BAIAP2L1: variants seen among roughly 807,000 people sequenced by gnomAD.
BAIAP2L1 encodes the protein BAR/IMD domain-containing adapter protein 2-like 1.
In BAIAP2L1, 35 loss-of-function variants were observed where a neutral mutation model predicts 66.3. The observed-to-expected ratio is 0.53, with a 90% CI of 0.40 to 0.70. The LOEUF (loss-of-function observed/expected upper bound fraction) is 0.70, where lower values mean the gene tolerates loss of function less well. BAIAP2L1 is among the 30% of genes least tolerant of loss of function. The pLI is 0.00. For synonymous variants in BAIAP2L1, 269 were observed against 248.7 expected (o/e 1.08, Z -0.77); for missense variants, 622 against 656.9 (o/e 0.95, Z 0.58).
At chr7:98,316,400 G>C (rs555229302) in intron 6 of BAIAP2L1, among the ~76,000 whole-genome samples, 6 of 152,254 alleles carry the variant, frequency 3.9e-5, no homozygotes, top group African/African-American at 1.4e-4. Flanking sequence ...CACTGATCAT[G>C]GAGAGTCCCT....
At position 98,291,880 on chromosome 7, in the gene BAIAP2L1, CCA is replaced by C. The variant is rs950674994; in HGVS notation, c.*1639_*1640del. On this transcript the variant is annotated 3_prime_UTR_variant, in exon 14 of 14. Coordinates refer to ENST00000005260, the MANE Select transcript of BAIAP2L1 (RefSeq NM_018842.5). ...CAGAACGCCAAAGGCCAGGTGTCAC[CCA>C]CACCCCAGCAGTTCCCCTTAGCGCC... 2.0e-5 allele frequency: 3 copies of C among 153,122 alleles called. No individual in the cohort carries two copies. Among genetic ancestry groups the C allele is most frequent in the African/African-American group, 7.2e-5 (3 of 41,466 alleles). The allele number at this position is 153,122 out of a possible 1,614,324, so 9.5% of individuals were successfully genotyped here. A position where few individuals can be genotyped will look rare whatever the true frequency, so the allele number is the denominator to read the frequency against.
chr7:98,400,682 G>A, intron 1 of BAIAP2L1, 120 bp downstream of exon 1: 1 of 1,171,610 alleles, frequency 8.5e-7, no homozygotes, highest in Non-Finnish European at 1.2e-6. Context: ...GACCGGGAGA[G>A]GTGGAAGGAC....
At chr7:98,336,800 G>A (rs1801627622) in intron 3 of BAIAP2L1, among the ~76,000 whole-genome samples, 1 of 152,202 alleles carries the variant, frequency 6.6e-6, no homozygotes, top group Non-Finnish European at 1.5e-5. Flanking sequence ...TTTTAGAAGG[G>A]GTGGAGAGAC....
At chr7:98,298,014 T>C (rs1476486122) in intron 12 of BAIAP2L1, among the ~76,000 whole-genome samples, 2 of 149,404 alleles carry the variant, frequency 1.3e-5, no homozygotes, top group African/African-American at 4.9e-5. Flanking sequence ...GAGGACTGCC[T>C]GAGGTCAGGA....
Position 98,362,588 on chromosome 7 carries a change from T to C in BAIAP2L1, c.52-156A>G, listed in dbSNP as rs375771638. Among the ~76,000 whole-genome samples, 133 of 152,340 alleles carry C rather than the reference T, an allele frequency of 8.7e-4. 3 individuals carry two copies. In the South Asian group the frequency reaches 0.025, roughly 29 times the overall value. On this transcript the variant is annotated intron_variant, in intron 1 of 13. Coordinates refer to ENST00000005260, the MANE Select transcript of BAIAP2L1 (RefSeq NM_018842.5). ...ATGTAAAAATAATGAAGCACACCTA[T>C]TCCCTTACCTGATGGAACAGGGCTC...
At chr7:98,319,432 TTA>T (rs1209815472) in intron 5 of BAIAP2L1, among the ~76,000 whole-genome samples, 1 of 152,168 alleles carries the variant, frequency 6.6e-6, no homozygotes, top group African/African-American at 2.4e-5. Flanking sequence ...TTAGGAAGTG[TTA>T]TGTCTGCATC....
chr7:98,346,199 C>T lies in BAIAP2L1; in HGVS notation c.214+8843G>A, dbSNP rs74523541. On this transcript the variant is annotated intron_variant, in intron 3 of 13. Coordinates refer to ENST00000005260, the MANE Select transcript of BAIAP2L1 (RefSeq NM_018842.5). ...GATTTCAGAAAAGAACTAAATAGGA[C>T]TTCCAGTAACGAAAGACAGGCACTA... Among the ~76,000 whole-genome samples the T allele has an allele frequency of 6.7e-4, 102 of 152,224 alleles. 1 individual carries two copies. The East Asian group carries it at 0.014, about 21-fold the overall frequency.
At chr7:98,374,972 G>C (rs1276819194) in intron 1 of BAIAP2L1, among the ~76,000 whole-genome samples, 4 of 151,984 alleles carry the variant, frequency 2.6e-5, no homozygotes, top group Non-Finnish European at 5.9e-5. Context: ...CTGTGGTCCT[G>C]GCTACTTGGG....
At chr7:98,370,031 GAAC>G (rs752541499) in intron 1 of BAIAP2L1, among the ~76,000 whole-genome samples, 15 of 151,466 alleles carry the variant, frequency 9.9e-5, no homozygotes, top group African/African-American at 3.4e-4. Flanking sequence ...AAAATACGAA[GAAC>G]AACAAATGAA....
intron 3 of BAIAP2L1, among the ~76,000 whole-genome samples, chr7:98,330,210 GAACT>G (rs1464231849): frequency 5.3e-5 from 8 of 152,162 alleles, no homozygotes; most frequent in African/African-American, 1.9e-4. Flanking sequence ...ATCAGACAGA[GAACT>G]AACCACCACC....
In BAIAP2L1 at chr7:98,386,721, GAC is replaced by G. The variant is rs1196203307; in HGVS notation, c.51+14079_51+14080del. 1.1e-5 allele frequency: 5 copies of G among 452,088 alleles called. No homozygotes were observed. In the Admixed American group the frequency reaches 1.8e-4, roughly 16 times the overall value. The allele number at this position is 452,088 out of a possible 1,614,324, so 28.0% of individuals were successfully genotyped here. On this transcript the variant is annotated intron_variant, in intron 1 of 13. Transcript: ENST00000005260. ...TTTTTTTTTTTTTTTTTTTTTTGGT[GAC>G]AGAGTCTCGCTCTGTCGCCAGGCTG...
intron 1 of BAIAP2L1, among the ~76,000 whole-genome samples, chr7:98,380,365 G>A (rs1018141090): frequency 2.0e-5 from 3 of 152,108 alleles, no homozygotes; most frequent in South Asian, 2.1e-4. Flanking sequence ...CTGGACTTAC[G>A]GTTCCACATG....
chr7:98,344,100 C>G (rs1288104374), intron 3 of BAIAP2L1, among the ~76,000 whole-genome samples: 4 of 152,244 alleles, frequency 2.6e-5, no homozygotes, highest in Admixed American at 2.6e-4. Context: ...TCACTTGAAC[C>G]CGGTAGGTGG....
intron 3 of BAIAP2L1, among the ~76,000 whole-genome samples, chr7:98,334,284 C>T (rs935049722): frequency 3.9e-5 from 6 of 152,168 alleles, no homozygotes; most frequent in African/African-American, 1.2e-4. Flanking sequence ...CATCAGTGCA[C>T]CCAAGAGTTA....
At chr7:98,382,201 G>C (rs375487933) in intron 1 of BAIAP2L1, among the ~76,000 whole-genome samples, 2 of 152,058 alleles carry the variant, frequency 1.3e-5, no homozygotes, top group Admixed American at 6.6e-5. Flanking sequence ...GGTTATAGGC[G>C]TGAGCAACCG....
intron 1 of BAIAP2L1, among the ~76,000 whole-genome samples, chr7:98,379,726 A>G (rs1802713708): frequency 6.7e-6 from 1 of 148,716 alleles, no homozygotes. Context: ...TTAATAGAAT[A>G]TTATTCAGCC....
intron 1 of BAIAP2L1, among the ~76,000 whole-genome samples, chr7:98,394,812 T>C (rs752444718): frequency 2.6e-5 from 4 of 152,230 alleles, no homozygotes; most frequent in African/African-American, 7.2e-5. Flanking sequence ...TATCTTGGAA[T>C]AGTCTGAACA....
intron 1 of BAIAP2L1, among the ~76,000 whole-genome samples, chr7:98,365,580 C>A (rs1336048515): frequency 6.6e-6 from 1 of 152,176 alleles, no homozygotes; most frequent in African/African-American, 2.4e-5. Flanking sequence ...AAGTGATCCT[C>A]GTGCCCCAAC....
At chr7:98,359,273 CTTTT>C (rs998408583) in intron 2 of BAIAP2L1, among the ~76,000 whole-genome samples, 3 of 139,260 alleles carry the variant, frequency 2.2e-5, no homozygotes, top group Admixed American at 7.3e-5. Flanking sequence ...TACTTGCTGT[CTTTT>C]TTTTTTTTTT....
Sources: allele counts gnomAD v4.1 joint callset (sites outside exome capture counted in the v4.1 genomes callset), GRCh38; gene constraint gnomAD v4.1.1; transcripts MANE v1.5; gene names NCBI Gene and HGNC (gene_info 2026-07-23, HGNC 2026-07-21).